Variants in GAB1 observed in about 807,000 individuals in gnomAD.
The protein encoded by GAB1 is GRB2 associated binding protein 1.
In GAB1, 19 loss-of-function variants were observed where a neutral mutation model predicts 66.5. That is an observed-to-expected ratio of 0.29 (90% confidence interval 0.20 to 0.42). The LOEUF is 0.42. Among genes scored for constraint, GAB1 ranks in the 10% least tolerant of loss-of-function variants. The pLI is 1.00. For synonymous variants in GAB1, 294 were observed against 301.4 expected (o/e 0.98, Z 0.25); for missense variants, 732 against 858.5 (o/e 0.85, Z 1.84).
rs36205621 is a variant in GAB1, at chr4:143,373,044, A to AACACACACACACAC, written c.72+35806_72+35819dup. On this transcript the variant is annotated intron_variant, in intron 1 of 9. Coordinates refer to ENST00000262994, the MANE Select transcript of GAB1 (RefSeq NM_002039.4). ...ATCTGAGGATTGAATTTCCTTTAAA[A>AACACACACACACAC]ACACACACACACACACACACACACA... Among the ~76,000 whole-genome samples the AACACACACACACAC allele has an allele frequency of 5.4e-4, 80 of 148,264 alleles. 1 individual carries two copies. Among genetic ancestry groups the AACACACACACACAC allele is most frequent in the South Asian group, 4.8e-3 (22 of 4,552 alleles).
intron 1 of GAB1, among the ~76,000 whole-genome samples, chr4:143,405,159 A>G (rs1731976938): frequency 6.6e-6 from 1 of 152,208 alleles, no homozygotes; most frequent in Admixed American, 6.5e-5. Flanking sequence ...CTCTGTGATG[A>G]CGTTACATTC....
At chr4:143,447,278 G>A (rs952371145) in intron 6 of GAB1, among the ~76,000 whole-genome samples, 13 of 152,212 alleles carry the variant, frequency 8.5e-5, no homozygotes, top group African/African-American at 3.1e-4. Context: ...GGCGATGCGG[G>A]CTCTTTTTTG....
At chr4:143,427,498 G>T (rs957930002) in intron 2 of GAB1, among the ~76,000 whole-genome samples, 1 of 151,822 alleles carries the variant, frequency 6.6e-6, no homozygotes, top group East Asian at 1.9e-4. Flanking sequence ...GTCTTTTATC[G>T]GTTTGCACAG....
At chr4:143,395,665 G>A in intron 1 of GAB1, 1 of 279,506 alleles carries the variant, frequency 3.6e-6, no homozygotes, top group Non-Finnish European at 7.1e-6. Flanking sequence ...GTAAAATGTT[G>A]TTCACTTTAT....
intron 2 of GAB1, among the ~76,000 whole-genome samples, chr4:143,426,941 A>C (rs13112412): frequency 0.41 from 62,081 of 152,088 alleles, 13,989 homozygotes; most frequent in African/African-American, 0.61. Flanking sequence ...AGCCAAATGA[A>C]ATGCATTACT....
intron 6 of GAB1, among the ~76,000 whole-genome samples, chr4:143,447,928 C>A (rs1250343510): frequency 6.6e-6 from 1 of 152,144 alleles, no homozygotes; most frequent in African/African-American, 2.4e-5. Flanking sequence ...GTGGGTTTGT[C>A]ATAGATAGCT....
At chr4:143,411,674 C>T (rs1333029474) in intron 1 of GAB1, among the ~76,000 whole-genome samples, 1 of 152,108 alleles carries the variant, frequency 6.6e-6, no homozygotes, top group Non-Finnish European at 1.5e-5. Flanking sequence ...TTATGTGGGC[C>T]CGTTTTGTGC....
Position 143,471,739 on chromosome 4 carries a change from G to A in GAB1, c.*2550G>A, listed in dbSNP as rs1736090965. The A allele has an allele frequency of 6.6e-6, 1 of 152,162 alleles. No individual in the cohort carries two copies. Among genetic ancestry groups the A allele is most frequent in the Non-Finnish European group, 1.5e-5 (1 of 68,008 alleles). 9.4% of individuals were successfully genotyped at this position (152,162 alleles called of 1,614,324 possible). A position where few individuals can be genotyped will look rare whatever the true frequency, so the allele number is the denominator to read the frequency against. On this transcript the variant is annotated 3_prime_UTR_variant, in exon 10 of 10. Coordinates refer to ENST00000262994, the MANE Select transcript of GAB1 (RefSeq NM_002039.4). ...TCAGGAAATTCTTTAATTAGAGATA[G>A]CTAAAGTTATTCAAGGTCTATACAA...
chr4:143,461,057 A>C (rs1486973383), intron 8 of GAB1, among the ~76,000 whole-genome samples: 1 of 152,220 alleles, frequency 6.6e-6, no homozygotes, highest in Non-Finnish European at 1.5e-5. Flanking sequence ...ACTACCATAA[A>C]GCATGAGAAT....
At chr4:143,358,518 C>T (rs57743690) in intron 1 of GAB1, among the ~76,000 whole-genome samples, 3,736 of 152,224 alleles carry the variant, frequency 0.025, 144 homozygotes, top group African/African-American at 0.085. Context: ...GATATGCGTT[C>T]AACATCTCTG....
chr4:143,341,691 A>G (rs1207106709), intron 1 of GAB1, among the ~76,000 whole-genome samples: 1 of 152,162 alleles, frequency 6.6e-6, no homozygotes, highest in East Asian at 1.9e-4. Context: ...GGACTTCAAA[A>G]ACACACCCCT....
chr4:143,356,256 G>A (rs1336797258), intron 1 of GAB1, among the ~76,000 whole-genome samples: 1 of 152,076 alleles, frequency 6.6e-6, no homozygotes, highest in African/African-American at 2.4e-5. Context: ...TGTTGAATAG[G>A]TATATTAACT....
At chr4:143,458,417 A>T (rs1308436879) in intron 6 of GAB1, among the ~76,000 whole-genome samples, 1 of 152,210 alleles carries the variant, frequency 6.6e-6, no homozygotes, top group African/African-American at 2.4e-5. Context: ...ACTATGCCAT[A>T]ACATACATGG....
intron 2 of GAB1, among the ~76,000 whole-genome samples, chr4:143,421,077 G>T (rs1229947412): frequency 6.6e-6 from 1 of 151,960 alleles, no homozygotes; most frequent in African/African-American, 2.4e-5. Flanking sequence ...GTTTTCTCAT[G>T]CCTCTTTCCA....
chr4:143,425,469 C>G (rs1207922790), intron 2 of GAB1: 1 of 760,566 alleles, frequency 1.3e-6, no homozygotes, highest in Non-Finnish European at 2.4e-6. Flanking sequence ...TTATGTTAAC[C>G]TACCTACCAT....
intron 7 of GAB1, 52 bp from the exon 8 acceptor site, chr4:143,460,312 T>A: frequency 1.3e-6 from 2 of 1,568,910 alleles, no homozygotes; most frequent in Non-Finnish European, 1.8e-6. Flanking sequence ...GGGGAATAAT[T>A]TTAGATATTT....
At chr4:143,405,055 T>C (rs138458380) in intron 1 of GAB1, among the ~76,000 whole-genome samples, 110 of 152,366 alleles carry the variant, frequency 7.2e-4, no homozygotes, top group African/African-American at 2.3e-3. Flanking sequence ...TATTTATTTT[T>C]TCATGGTCTT....
At position 143,474,480 on chromosome 4, in the gene GAB1, T is replaced by A. The variant is rs940519245; in HGVS notation, c.*5291T>A. On this transcript the variant is annotated 3_prime_UTR_variant, in exon 10 of 10. Coordinates refer to ENST00000262994, the MANE Select transcript of GAB1 (RefSeq NM_002039.4). The stretch of plus-strand genomic sequence containing the variant: ...GGCGCCCATGTGTTTGGTCAAACAC[T>A]AGCCTAGATGTTGCTGTGAATATAT... The A allele has an allele frequency of 1.3e-5, 2 of 152,210 alleles. No individual in the cohort carries two copies. Among genetic ancestry groups the A allele is most frequent in the African/African-American group, 4.8e-5 (2 of 41,456 alleles). The allele number at this position is 152,210 out of a possible 1,614,324, so 9.4% of individuals were successfully genotyped here.
intron 6 of GAB1, among the ~76,000 whole-genome samples, chr4:143,451,149 G>A: frequency 6.6e-6 from 1 of 152,148 alleles, no homozygotes. Context: ...TGTGGTTGAA[G>A]TAAACTCTTG....
Sources: gnomAD v4.1 joint callset for allele counts (sites outside exome capture counted in the v4.1 genomes callset) on GRCh38, gnomAD v4.1.1 for gene constraint, MANE v1.5 for transcripts, NCBI Gene and HGNC (gene_info 2026-07-23, HGNC 2026-07-21) for gene names.